Variants in SGCD observed in about 807,000 individuals in gnomAD.
SGCD encodes delta-sarcoglycan.
In SGCD, 18 loss-of-function variants were observed where a neutral mutation model predicts 36.6. The observed-to-expected ratio is 0.49, with a 90% CI of 0.34 to 0.73. The LOEUF (loss-of-function observed/expected upper bound fraction) is 0.73, where lower values mean the gene tolerates loss of function less well. Among genes scored for constraint, SGCD ranks in the 30% least tolerant of loss-of-function variants. The pLI, the probability that SGCD is intolerant of heterozygous loss-of-function variation, is 0.01. For missense variants in SGCD, 387 were observed against 346.7 expected, an observed-to-expected ratio of 1.12 and a Z score of -0.92; for synonymous variants, 133 against 130.6, an observed-to-expected ratio of 1.02 and a Z score of -0.12.
chr5:156,422,075 G>C (rs1024320601), intron 3 of SGCD, among the ~76,000 whole-genome samples: 7 of 152,164 alleles, frequency 4.6e-5, no homozygotes, highest in African/African-American at 1.7e-4. Flanking sequence ...TCACCCAGTA[G>C]CCAGGGTTGA....
chr5:156,444,352 A>G (rs765167281), intron 3 of SGCD, among the ~76,000 whole-genome samples: 11 of 152,014 alleles, frequency 7.2e-5, no homozygotes, highest in African/African-American at 1.2e-4. Context: ...AAAAAATAAT[A>G]TTTCTATCCT....
intron 1 of SGCD, among the ~76,000 whole-genome samples, chr5:155,875,755 A>G (rs954352093): frequency 6.6e-6 from 1 of 151,408 alleles, no homozygotes; most frequent in Non-Finnish European, 1.5e-5. Context: ...CAGTTCTGCC[A>G]TGTTCTTTTG....
chr5:156,598,597 C>A (rs1018815168), intron 6 of SGCD, among the ~76,000 whole-genome samples: 7 of 151,774 alleles, frequency 4.6e-5, no homozygotes, highest in African/African-American at 1.7e-4. Context: ...AACAAAAATG[C>A]CTAGGGGAAA....
At chr5:156,551,673 A>G (rs1758804806) in intron 4 of SGCD, among the ~76,000 whole-genome samples, 1 of 152,154 alleles carries the variant, frequency 6.6e-6, no homozygotes, top group Non-Finnish European at 1.5e-5. Flanking sequence ...ACCATGCATG[A>G]TCTTGGTTTT....
chr5:156,759,374 C>T lies in SGCD; in HGVS notation c.857C>T (p.Thr286Ile). The part of the protein sequence containing the change: ...AGAGSTCQIN[T>I]SVCL The stretch of plus-strand genomic sequence containing the variant: ...GCTGGGTCCACTTGTCAGATAAACA[C>T]AAGTGTCTGCCTCTGAAAGACTATC... Residue 286 changes from threonine (T) to isoleucine (I), a missense_variant, in exon 9 of 9, where the codon ACA becomes ATA. Transcript: ENST00000337851. 6.2e-7 allele frequency: 1 copy of T among 1,609,056 alleles called. No individual in the cohort carries two copies. The highest frequency in any genetic ancestry group is 1.3e-5 in the African/African-American group (1 of 74,962).
At position 155,958,640 on chromosome 5, in the gene SGCD, A is replaced by G. The variant is rs148248922; in HGVS notation, c.-282+88216A>G. On this transcript the variant is annotated intron_variant, in intron 1 of 9. Transcript: ENST00000517913. Reference sequence around the variant, plus strand: ...ATGTAAGCATGCTAACAATTAAAAAATAGATAAATCTTGGGGTCAGAACAG... The same window carrying G: ...ATGTAAGCATGCTAACAATTAAAAAGTAGATAAATCTTGGGGTCAGAACAG... 1.6e-4 allele frequency among the ~76,000 whole-genome samples: 24 copies of G among 152,286 alleles called. No homozygotes were observed. In the East Asian group the frequency reaches 4.6e-3, roughly 29 times the overall value.
intron 6 of SGCD, among the ~76,000 whole-genome samples, chr5:156,644,536 C>T (rs1248959054): frequency 1.3e-5 from 2 of 150,152 alleles, no homozygotes; most frequent in Non-Finnish European, 3.0e-5. Flanking sequence ...GGATAAAAGT[C>T]TGTTCCTTTT....
the SGCD span, among the ~76,000 whole-genome samples, chr5:155,738,661 T>A: frequency 1.0e-4 from 15 of 149,568 alleles, no homozygotes; most frequent in African/African-American, 1.7e-4. Flanking sequence ...TGTGAGAGAG[T>A]GTGTGTGTGT....
chr5:155,913,900 C>A (rs1369072084), intron 1 of SGCD, among the ~76,000 whole-genome samples: 14 of 152,292 alleles, frequency 9.2e-5, no homozygotes, highest in Non-Finnish European at 1.5e-5. Context: ...TGCTACTAAC[C>A]TTTATTAGTC....
intron 2 of SGCD, among the ~76,000 whole-genome samples, chr5:156,331,582 C>T (rs1235261402): frequency 1.3e-5 from 2 of 152,170 alleles, no homozygotes; most frequent in African/African-American, 4.8e-5. Context: ...TCCCTCCTTG[C>T]TCAGACCACT....
At chr5:155,890,441 A>G (rs1247652834) in intron 1 of SGCD, among the ~76,000 whole-genome samples, 2 of 152,096 alleles carry the variant, frequency 1.3e-5, no homozygotes, top group Non-Finnish European at 2.9e-5. Flanking sequence ...CCTGGGCACC[A>G]TGGTGGAACC....
intron 3 of SGCD, among the ~76,000 whole-genome samples, chr5:156,375,891 C>A (rs1770641035): frequency 6.6e-6 from 1 of 151,986 alleles, no homozygotes; most frequent in African/African-American, 2.4e-5. Flanking sequence ...TTAAAATTTT[C>A]TCTTTTATTT....
intron 3 of SGCD, among the ~76,000 whole-genome samples, chr5:156,185,552 T>C (rs1028325414): frequency 1.7e-4 from 26 of 151,956 alleles, no homozygotes; most frequent in African/African-American, 6.0e-4. Context: ...CCCCTCCTTT[T>C]TTCAACTATG....
At chr5:156,719,369 C>G (rs1033431021) in intron 7 of SGCD, among the ~76,000 whole-genome samples, 1 of 147,892 alleles carries the variant, frequency 6.8e-6, no homozygotes, top group African/African-American at 2.6e-5. Flanking sequence ...TTAATCTCAT[C>G]ATATATTATA....
intron 3 of SGCD, among the ~76,000 whole-genome samples, chr5:156,247,277 C>A (rs1765461520): frequency 6.6e-6 from 1 of 152,250 alleles, no homozygotes; most frequent in Non-Finnish European, 1.5e-5. Context: ...GAGAAAGCTT[C>A]CCGTTTTTTG....
the SGCD span, among the ~76,000 whole-genome samples, chr5:155,817,721 G>A: frequency 0.019 from 2,885 of 152,200 alleles, 61 homozygotes; most frequent in East Asian, 0.13. Flanking sequence ...TCCTTCCCCT[G>A]TGAAGTCTGA....
At chr5:155,906,277 C>T (rs116655376) in intron 1 of SGCD, among the ~76,000 whole-genome samples, 144 of 152,156 alleles carry the variant, frequency 9.5e-4, no homozygotes, top group African/African-American at 3.3e-3. Context: ...CTTGAGCTTC[C>T]CTATTCCCTG....
chr5:156,352,912 A>G (rs1769327940), intron 3 of SGCD, among the ~76,000 whole-genome samples: 2 of 152,136 alleles, frequency 1.3e-5, no homozygotes, highest in African/African-American at 4.8e-5. Context: ...AATGCTGCCC[A>G]TTTTCCAAGG....
At chr5:156,235,226 T>C (rs996776095) in intron 3 of SGCD, among the ~76,000 whole-genome samples, 1 of 115,054 alleles carries the variant, frequency 8.7e-6, no homozygotes, top group African/African-American at 3.5e-5. Context: ...CAAATGAGAT[T>C]TGGAGGACTG....
Sources: allele counts gnomAD v4.1 joint callset (sites outside exome capture counted in the v4.1 genomes callset), GRCh38; gene constraint gnomAD v4.1.1; transcripts MANE v1.5; gene names NCBI Gene and HGNC (gene_info 2026-07-23, HGNC 2026-07-21).